Variants in MANSC4 observed in about 807,000 individuals in gnomAD.
MANSC4 encodes MANSC domain containing 4.
A neutral mutation model predicts 11.4 loss-of-function variants in MANSC4; 11 were observed. That is an observed-to-expected ratio of 0.97 (90% CI 0.61 to 1.60). The LOEUF is 1.60. Ranked by LOEUF, MANSC4 falls within the 40% of genes most tolerant of loss-of-function variation. The pLI, the probability that MANSC4 is intolerant of heterozygous loss-of-function variation, is 0.00. For missense variants in MANSC4, 354 were observed against 404.6 expected, an observed-to-expected ratio of 0.88 and a Z score of 1.07; for synonymous variants, 123 against 147.1, an observed-to-expected ratio of 0.84 and a Z score of 1.19.
At position 27,780,044 on chromosome 12, in the gene MANSC4, C is replaced by T. The variant is rs1338757246; in HGVS notation, c.-307+166G>A. The T allele has an allele frequency of 5.1e-5, 8 of 156,672 alleles. No homozygotes were observed. Among genetic ancestry groups the T allele is most frequent in the Non-Finnish European group, 7.0e-5 (5 of 71,380 alleles). 9.7% of individuals were successfully genotyped at this position (156,672 alleles called of 1,614,324 possible). The stretch of plus-strand genomic sequence containing the variant: ...GCTGGCTGGGAGCTGGAATTCCCTT[C>T]CCGCCTGGCGCCGCCCGGGAGAGCC... On this transcript the variant is annotated intron_variant, in intron 1 of 3. Coordinates refer to ENST00000381273, the MANE Select transcript of MANSC4 (RefSeq NM_001146221.5). The surrounding 1 kb of genome is among the most constrained non-coding windows in gnomAD (Gnocchi z 8.8).
chr12:27,777,960 T>G (rs891682876), intron 1 of MANSC4, among the ~76,000 whole-genome samples: 1 of 151,852 alleles, frequency 6.6e-6, no homozygotes, highest in Non-Finnish European at 1.5e-5. Flanking sequence ...GCATGGAGGC[T>G]CATGCCTGTA....
chr12:27,779,291 C>T (rs1591811929), intron 1 of MANSC4, among the ~76,000 whole-genome samples: 1 of 152,156 alleles, frequency 6.6e-6, no homozygotes, highest in East Asian at 1.9e-4. Context: ...AGATCTTTTG[C>T]GCCAGGATAA....
intron 3 of MANSC4, among the ~76,000 whole-genome samples, chr12:27,765,775 A>G (rs191910693): frequency 7.2e-4 from 109 of 152,352 alleles, no homozygotes; most frequent in African/African-American, 2.3e-3. Flanking sequence ...TTCAATACAT[A>G]CAAACTGATA....
At position 27,779,176 on chromosome 12, in the gene MANSC4, G is replaced by C. The variant is rs926284433; in HGVS notation, c.-307+1034C>G. ...GCCACCGCGCTCAGCCAAACCGCACGTGTGGTCTCTCTTAATAGTCCTCAG... is the reference window on the plus strand; with the variant it reads ...GCCACCGCGCTCAGCCAAACCGCACCTGTGGTCTCTCTTAATAGTCCTCAG... On this transcript the variant is annotated intron_variant, in intron 1 of 3. Coordinates refer to ENST00000381273, the MANE Select transcript of MANSC4 (RefSeq NM_001146221.5). Among the ~76,000 whole-genome samples the C allele has an allele frequency of 7.2e-5, 11 of 152,226 alleles. No homozygotes were observed. In the East Asian group the frequency reaches 2.1e-3, roughly 29 times the overall value.
At position 27,771,249 on chromosome 12, in the gene MANSC4, C is replaced by T. The variant is rs897605411; in HGVS notation, c.28G>A (p.Val10Met). MHVAEVAVNVILLLSMGWTS... is the reference protein window; with the variant it reads MHVAEVAVNMILLLSMGWTS... ...CACCCCATGCTTAGGAGCAATATCA[C>T]GTTCACTGCTACCTCTGCCACATGC... The change falls in exon 2 of 4, where the codon GTG (valine) becomes ATG (methionine). Residue 10 changes from valine (V) to methionine (M), a missense_variant. Transcript: ENST00000381273. The T allele has an allele frequency of 7.1e-6, 11 of 1,550,860 alleles. No individual in the cohort carries two copies. The highest frequency in any genetic ancestry group is 1.4e-5 in the African/African-American group (1 of 73,022).
At chr12:27,772,251 G>C (rs754391884) in intron 1 of MANSC4, among the ~76,000 whole-genome samples, 2 of 152,128 alleles carry the variant, frequency 1.3e-5, no homozygotes, top group Admixed American at 1.3e-4. Context: ...GCATAAAACT[G>C]TTGCTTTTTT....
intron 1 of MANSC4, among the ~76,000 whole-genome samples, chr12:27,772,549 G>GC (rs2062105173): frequency 6.6e-6 from 1 of 152,176 alleles, no homozygotes; most frequent in South Asian, 2.1e-4. Flanking sequence ...AGACTGAATA[G>GC]CTTTAAATAT....
chr12:27,767,571 C>T (rs564033122), intron 2 of MANSC4, among the ~76,000 whole-genome samples: 108 of 152,110 alleles, frequency 7.1e-4, no homozygotes, highest in African/African-American at 2.3e-3. Context: ...GGCGTGGTGG[C>T]GCATTCCTGT....
chr12:27,779,936 C>T (rs966418532), intron 1 of MANSC4: 1 of 151,410 alleles, frequency 6.6e-6, no homozygotes, highest in East Asian at 2.0e-4. Flanking sequence ...CGGGCCTCCC[C>T]GAGAGCCGGA....
chr12:27,762,611 AAAGTTTTGGG>A lies in MANSC4; in HGVS notation c.*117_*126del, dbSNP rs2062051650. On this transcript the variant is annotated 3_prime_UTR_variant, in exon 4 of 4. Transcript: ENST00000381273. ...AGCAAATCTACTGCCTTGGCTTCCCAAAGTTTTGGGATTACAGGCATGAACCACCACGCCC... is the reference window on the plus strand; with the variant it reads ...AGCAAATCTACTGCCTTGGCTTCCCAATTACAGGCATGAACCACCACGCCC... 1.1e-6 allele frequency: 1 copy of A among 935,352 alleles called. No homozygotes were observed. Among genetic ancestry groups the A allele is most frequent in the Non-Finnish European group, 1.5e-6 (1 of 654,794 alleles). 57.9% of individuals were successfully genotyped at this position (935,352 alleles called of 1,614,324 possible).
chr12:27,767,464 G>A (rs1158109935), intron 2 of MANSC4, among the ~76,000 whole-genome samples: 1 of 152,088 alleles, frequency 6.6e-6, no homozygotes, highest in Admixed American at 6.6e-5. Flanking sequence ...ACCGCTATGG[G>A]AGGCCGAGGG....
rs36071035 is a variant in MANSC4, at chr12:27,766,073, C to CTT, written c.364+590_364+591dup. Among the ~76,000 whole-genome samples the CTT allele has an allele frequency of 1.2e-3, 178 of 143,364 alleles. 2 individuals are homozygous for CTT. The highest frequency in any genetic ancestry group is 2.8e-3 in the African/African-American group (108 of 39,260). The allele number at this position is 143,364 out of a possible 152,430, so 94.1% of individuals were successfully genotyped here. On this transcript the variant is annotated intron_variant, in intron 3 of 3. Coordinates refer to ENST00000381273, the MANE Select transcript of MANSC4 (RefSeq NM_001146221.5). ...AGTGGCCCCTCAGCCACCACAGGAC[C>CTT]TTTTTTTTTTTTTGAGGCAGATTCT...
chr12:27,770,428 A>C (rs2062095659), intron 2 of MANSC4, among the ~76,000 whole-genome samples: 1 of 146,490 alleles, frequency 6.8e-6, no homozygotes, highest in Non-Finnish European at 1.6e-5. Context: ...TGATCCACCC[A>C]CCTCGGCCTC....
intron 1 of MANSC4, among the ~76,000 whole-genome samples, chr12:27,776,321 T>C (rs2062119704): frequency 6.6e-6 from 1 of 152,222 alleles, no homozygotes; most frequent in Admixed American, 6.5e-5. Context: ...TTATACATTA[T>C]GTTGTTTTCC....
chr12:27,763,420 TC>T, intron 3 of MANSC4, 24 bp from the exon 4 acceptor site: 1 of 1,509,686 alleles, frequency 6.6e-7, no homozygotes, highest in East Asian at 2.5e-5. Context: ...AAGGCATCAT[TC>T]ATTTTATTTT....
At chr12:27,776,282 A>G (rs1359861194) in intron 1 of MANSC4, among the ~76,000 whole-genome samples, 1 of 152,134 alleles carries the variant, frequency 6.6e-6, no homozygotes, top group Admixed American at 6.6e-5. Flanking sequence ...GGCACATGCT[A>G]AACACTCAAT....
At chr12:27,777,935 A>AT (rs999482077) in intron 1 of MANSC4, among the ~76,000 whole-genome samples, 57 of 150,222 alleles carry the variant, frequency 3.8e-4, no homozygotes, top group African/African-American at 7.1e-4. Flanking sequence ...AAAAAAATGC[A>AT]TTTTTTTTTG....
Position 27,762,693 on chromosome 12 carries a change from TAA to T in MANSC4, c.*43_*44del, listed in dbSNP as rs2062052296. On this transcript the variant is annotated 3_prime_UTR_variant, in exon 4 of 4. Transcript: ENST00000381273. ...CAAACTGCGTTTTCTTACACAAAAC[TAA>T]AAATGATATCCTTGAAAGCATATAA... 1 of 1,428,654 alleles carries T rather than the reference TAA, an allele frequency of 7.0e-7. No homozygotes were observed. Among genetic ancestry groups the T allele is most frequent in the African/African-American group, 1.4e-5 (1 of 69,062 alleles). The allele number at this position is 1,428,654 out of a possible 1,614,324, so 88.5% of individuals were successfully genotyped here.
intron 2 of MANSC4, among the ~76,000 whole-genome samples, chr12:27,768,224 G>A (rs980510351): frequency 2.0e-5 from 3 of 149,660 alleles, no homozygotes; most frequent in African/African-American, 7.3e-5. Context: ...ATGGCGAAAC[G>A]TCGTCTCTAC....
Sources: allele counts gnomAD v4.1 joint callset (sites outside exome capture counted in the v4.1 genomes callset), GRCh38; gene constraint gnomAD v4.1.1; non-coding constraint Gnocchi (gnomAD v3.1); transcripts MANE v1.5; gene names NCBI Gene and HGNC (gene_info 2026-07-23, HGNC 2026-07-21).